The following FTO variants were observed in gnomAD, a reference collection of about 807,000 sequenced individuals.
FTO encodes the protein alpha-ketoglutarate-dependent dioxygenase FTO.
In FTO, 47 loss-of-function variants were observed where a neutral mutation model predicts 63.9. The ratio of observed to expected loss-of-function variants is 0.74; its 90% CI spans 0.58 to 0.94. The LOEUF (loss-of-function observed/expected upper bound fraction) is 0.94. Among genes scored for constraint, FTO ranks in the 40% least tolerant of loss-of-function variants. The pLI, the probability that FTO is intolerant of heterozygous loss-of-function variation, is 0.00. For missense variants in FTO, 562 were observed against 618.1 expected, an observed-to-expected ratio of 0.91 and a Z score of 0.96; for synonymous variants, 207 against 224.4, an observed-to-expected ratio of 0.92 and a Z score of 0.69.
intron 4 of FTO, among the ~76,000 whole-genome samples, chr16:53,867,925 A>T (rs1193708998): frequency 2.0e-5 from 3 of 152,080 alleles, no homozygotes; most frequent in Non-Finnish European, 4.4e-5. Flanking sequence ...TTACCACTTT[A>T]TCATTATGTA....
chr16:54,013,500 A>G (rs1473116325), intron 8 of FTO: 1 of 152,274 alleles, frequency 6.6e-6, no homozygotes, highest in Non-Finnish European at 1.5e-5. Flanking sequence ...CAATTTTGCA[A>G]GAAGTAAAAT....
chr16:53,764,572 CATT>C (rs1305186576), intron 1 of FTO, among the ~76,000 whole-genome samples: 2 of 151,808 alleles, frequency 1.3e-5, no homozygotes, highest in African/African-American at 4.8e-5. Flanking sequence ...CTTCCACTGT[CATT>C]ATCTGCTTCT....
At chr16:53,783,745 G>A (rs543245955) in intron 1 of FTO, among the ~76,000 whole-genome samples, 12 of 151,726 alleles carry the variant, frequency 7.9e-5, no homozygotes, top group Non-Finnish European at 1.8e-4. Context: ...CTGAGATCGC[G>A]CCACTGCACT....
chr16:53,896,600 A>G (rs2081284409), intron 7 of FTO, among the ~76,000 whole-genome samples: 1 of 152,166 alleles, frequency 6.6e-6, no homozygotes. Flanking sequence ...CTCTTGAAAA[A>G]TATTGTTATG....
chr16:53,912,385 T>G (rs1404894869), intron 7 of FTO, among the ~76,000 whole-genome samples: 2 of 152,196 alleles, frequency 1.3e-5, no homozygotes, highest in Admixed American at 1.3e-4. Flanking sequence ...ACTTCAGAGA[T>G]GCACTGACAT....
chr16:53,950,582 A>G (rs971852418), intron 8 of FTO, among the ~76,000 whole-genome samples: 3 of 152,188 alleles, frequency 2.0e-5, no homozygotes, highest in African/African-American at 7.2e-5. Flanking sequence ...ACGTGGAAGT[A>G]TTTCTTTCCT....
chr16:53,828,329 T>A (rs1443959996), intron 3 of FTO, among the ~76,000 whole-genome samples: 1 of 152,088 alleles, frequency 6.6e-6, no homozygotes. Flanking sequence ...ACGCCATTCT[T>A]CTGCCTCAGC....
rs557038391 is a variant in FTO, at chr16:53,714,362, C to T, written c.45+10133C>T. On this transcript the variant is annotated intron_variant, in intron 1 of 8. Transcript: ENST00000471389. ...GCTGATGTTGCAACCTTAACTCACT[C>T]TGCTGAATTGGGCATGATTAAAGTC... 7.2e-5 allele frequency among the ~76,000 whole-genome samples: 11 copies of T among 152,322 alleles called. No homozygotes were observed. The East Asian group carries it at 1.2e-3, about 16-fold the overall frequency.
At chr16:53,793,471 T>G (rs2077981759) in intron 1 of FTO, among the ~76,000 whole-genome samples, 1 of 152,206 alleles carries the variant, frequency 6.6e-6, no homozygotes, top group Admixed American at 6.5e-5. Flanking sequence ...TAAAAAAAAT[T>G]TCCCTTGGAA....
rs142663834 is a variant in FTO, at chr16:53,793,767, A to G, written c.46-16373A>G. On this transcript the variant is annotated intron_variant, in intron 1 of 8. Coordinates refer to ENST00000471389, the MANE Select transcript of FTO (RefSeq NM_001080432.3). ...ACAAACAAACAAACAAAAATAAAAT[A>G]GAAAGGTGCTCATAATAAAATGAGA... is the stretch of plus-strand genomic sequence containing the variant. 1.4e-4 allele frequency among the ~76,000 whole-genome samples: 21 copies of G among 152,230 alleles called. No individual in the cohort carries two copies. The East Asian group carries it at 3.1e-3, about 22-fold the overall frequency.
chr16:53,789,941 A>C (rs1196784765), intron 1 of FTO, among the ~76,000 whole-genome samples: 1 of 148,448 alleles, frequency 6.7e-6, no homozygotes, highest in African/African-American at 2.5e-5. Context: ...TATACACAAA[A>C]ATTATAACAC....
chr16:53,737,371 A>G (rs2076413520), intron 1 of FTO, among the ~76,000 whole-genome samples: 1 of 152,124 alleles, frequency 6.6e-6, no homozygotes, highest in Non-Finnish European at 1.5e-5. Flanking sequence ...GTGCACTTAC[A>G]CAAACCTAGA....
chr16:54,034,982 G>T (rs545004915), intron 8 of FTO, among the ~76,000 whole-genome samples: 2 of 152,122 alleles, frequency 1.3e-5, no homozygotes, highest in African/African-American at 4.8e-5. Context: ...AATAAATAGG[G>T]GTTGGGATTA....
At chr16:53,783,234 C>G (rs775631872) in intron 1 of FTO, among the ~76,000 whole-genome samples, 3 of 152,058 alleles carry the variant, frequency 2.0e-5, no homozygotes, top group Non-Finnish European at 4.4e-5. Context: ...GTAATCCCAG[C>G]ACTTCGGGAG....
At chr16:53,792,991 T>C (rs2077967451) in intron 1 of FTO, among the ~76,000 whole-genome samples, 1 of 152,210 alleles carries the variant, frequency 6.6e-6, no homozygotes, top group Admixed American at 6.5e-5. Context: ...TGAGGAAGAA[T>C]CTTGGGTAAG....
At chr16:53,915,594 A>G (rs936176424) in intron 7 of FTO, among the ~76,000 whole-genome samples, 1 of 152,208 alleles carries the variant, frequency 6.6e-6, no homozygotes, top group African/African-American at 2.4e-5. Flanking sequence ...TGAGCCTCCA[A>G]CATGAAGGCA....
chr16:53,977,594 T>C (rs1426483967), intron 8 of FTO, among the ~76,000 whole-genome samples: 2 of 152,178 alleles, frequency 1.3e-5, no homozygotes, highest in Non-Finnish European at 2.9e-5. Flanking sequence ...TGAAGTTTAT[T>C]TCTGTTTATA....
Position 54,114,540 on chromosome 16 carries a change from T to C in FTO, c.*2625T>C, listed in dbSNP as rs2086956398. 6.6e-6 allele frequency: 1 copy of C among 152,174 alleles called. No homozygotes were observed. Among genetic ancestry groups the C allele is most frequent in the Non-Finnish European group, 1.5e-5 (1 of 68,048 alleles). 9.4% of individuals were successfully genotyped at this position (152,174 alleles called of 1,614,324 possible). A position where few individuals can be genotyped will look rare whatever the true frequency, so the allele number is the denominator to read the frequency against. On this transcript the variant is annotated 3_prime_UTR_variant, in exon 9 of 9. Transcript: ENST00000471389. ...GTCCTGGGTGGGGCCCAGGTGGAAT[T>C]AGTTCTCAAAGTCCTCCAGGTGGAG...
rs2087003510 is a variant in FTO, at chr16:54,121,310, A to G, written c.*9395A>G. On this transcript the variant is annotated 3_prime_UTR_variant, in exon 9 of 9. Coordinates refer to ENST00000471389, the MANE Select transcript of FTO (RefSeq NM_001080432.3). ...CTTAGTAATGACTCAGCATGTATCA[A>G]TTACGATGATAAATATTATCATGGC... 6.6e-6 allele frequency: 1 copy of G among 152,212 alleles called. No homozygotes were observed. Among genetic ancestry groups the G allele is most frequent in the African/African-American group, 2.4e-5 (1 of 41,454 alleles). The allele number at this position is 152,212 out of a possible 1,614,324, so 9.4% of individuals were successfully genotyped here. A position where few individuals can be genotyped will look rare whatever the true frequency, so the allele number is the denominator to read the frequency against.
Sources: gnomAD v4.1 joint callset for allele counts (sites outside exome capture counted in the v4.1 genomes callset) on GRCh38, gnomAD v4.1.1 for gene constraint, MANE v1.5 for transcripts, NCBI Gene and HGNC (gene_info 2026-07-23, HGNC 2026-07-21) for gene names.